The following ADAM12 variants were observed in gnomAD, a reference collection of about 807,000 sequenced individuals.
The protein encoded by ADAM12 is disintegrin and metalloproteinase domain-containing protein 12.
ADAM12 carries 70 observed loss-of-function variants against 106.4 expected under a neutral mutation model. That is an observed-to-expected ratio of 0.66 (90% CI 0.54 to 0.80). The LOEUF is 0.80. Ranked by LOEUF, ADAM12 falls within the 30% of genes least tolerant of loss-of-function variation. The pLI, the probability that ADAM12 is intolerant of heterozygous loss-of-function variation, is 0.00. For missense variants in ADAM12, 1,010 were observed against 1,171.9 expected, an observed-to-expected ratio of 0.86 and a Z score of 2.02; for synonymous variants, 420 against 433.5, an observed-to-expected ratio of 0.97 and a Z score of 0.39.
At chr10:126,260,258 C>T (rs1029846702) in intron 3 of ADAM12, among the ~76,000 whole-genome samples, 4 of 152,230 alleles carry the variant, frequency 2.6e-5, no homozygotes, top group South Asian at 4.1e-4. Context: ...TATCCATACT[C>T]ACAGGCAAAC....
At chr10:126,153,851 A>G (rs1956770050) in intron 4 of ADAM12, among the ~76,000 whole-genome samples, 1 of 152,194 alleles carries the variant, frequency 6.6e-6, no homozygotes, top group African/African-American at 2.4e-5. Flanking sequence ...TTGACTGGGA[A>G]TTCCATTCCT....
chr10:126,343,417 C>G (rs1167020956), intron 1 of ADAM12, among the ~76,000 whole-genome samples: 2 of 152,100 alleles, frequency 1.3e-5, no homozygotes, highest in Admixed American at 1.3e-4. Context: ...TTTTCTTAGT[C>G]CAGTCTATCA....
chr10:126,186,810 C>T (rs1489563041), intron 3 of ADAM12, among the ~76,000 whole-genome samples: 1 of 152,188 alleles, frequency 6.6e-6, no homozygotes, highest in African/African-American at 2.4e-5. Context: ...TTTTAAGTTT[C>T]TTGTGAAATT....
intron 3 of ADAM12, among the ~76,000 whole-genome samples, chr10:126,221,112 G>A (rs757317562): frequency 1.3e-5 from 2 of 152,196 alleles, no homozygotes; most frequent in South Asian, 2.1e-4. Flanking sequence ...GGCTGGGTGC[G>A]GTGGCTCACA....
At chr10:126,103,542 A>C (rs569298445) in intron 8 of ADAM12, among the ~76,000 whole-genome samples, 1 of 152,236 alleles carries the variant, frequency 6.6e-6, no homozygotes, top group Non-Finnish European at 1.5e-5. Context: ...TGGAGAAGTC[A>C]GGTGACTTAA....
intron 11 of ADAM12, among the ~76,000 whole-genome samples, chr10:126,086,680 A>AAAATAT (rs1554966976): frequency 8.2e-5 from 2 of 24,270 alleles, no homozygotes; most frequent in Non-Finnish European, 1.2e-4. Context: ...AAAAAAAAAA[A>AAAATAT]ATATATATAT....
intron 2 of ADAM12, among the ~76,000 whole-genome samples, chr10:126,329,853 A>G (rs773392289): frequency 2.0e-4 from 30 of 152,212 alleles, no homozygotes; most frequent in Non-Finnish European, 3.1e-4. Context: ...AACTGTTCCT[A>G]CAAGCACTGA....
chr10:126,069,419 G>C (rs185851970), intron 12 of ADAM12, among the ~76,000 whole-genome samples: 34 of 152,270 alleles, frequency 2.2e-4, no homozygotes, highest in Admixed American at 2.0e-3. Flanking sequence ...GACCTTAACC[G>C]CAGAAATACA....
intron 5 of ADAM12, among the ~76,000 whole-genome samples, chr10:126,124,819 G>A (rs1328389789): frequency 6.6e-6 from 1 of 151,022 alleles, no homozygotes; most frequent in East Asian, 1.9e-4. Flanking sequence ...TTGAACCTGG[G>A]AGGCGGAGGT....
Position 126,210,014 on chromosome 10 carries a change from T to C in ADAM12, c.261-54709A>G, listed in dbSNP as rs148411594. Among the ~76,000 whole-genome samples the C allele has an allele frequency of 1.8e-3, 272 of 152,330 alleles. 3 individuals carry two copies. The highest frequency in any genetic ancestry group is 5.6e-3 in the African/African-American group (233 of 41,574). ...AGACTCACATAACTACATCTCGGGA[T>C]CCTCCGGGTACTACGTTAACTCTCA... is the stretch of plus-strand genomic sequence containing the variant. On this transcript the variant is annotated intron_variant, in intron 3 of 22. Transcript: ENST00000448723.
At chr10:126,332,717 T>C (rs1358363555) in intron 1 of ADAM12, among the ~76,000 whole-genome samples, 1 of 152,086 alleles carries the variant, frequency 6.6e-6, no homozygotes, top group Non-Finnish European at 1.5e-5. Flanking sequence ...CGCAAGACTT[T>C]CCTTTTCCGT....
chr10:126,095,486 A>G (rs1390633009), intron 10 of ADAM12, among the ~76,000 whole-genome samples: 2 of 136,902 alleles, frequency 1.5e-5, no homozygotes, highest in African/African-American at 5.4e-5. Context: ...GTGAGCCAAG[A>G]TCCCACCACT....
chr10:126,061,315 T>C (rs1179255512), intron 14 of ADAM12, among the ~76,000 whole-genome samples: 1 of 152,212 alleles, frequency 6.6e-6, no homozygotes, highest in African/African-American at 2.4e-5. Context: ...TTATAGGCTA[T>C]GTTGGAGCAT....
intron 1 of ADAM12, among the ~76,000 whole-genome samples, chr10:126,373,685 GA>G (rs1856189432): frequency 6.6e-6 from 1 of 152,186 alleles, no homozygotes; most frequent in Non-Finnish European, 1.5e-5. Flanking sequence ...GTCTAGTTCT[GA>G]AAACACAGTG....
At chr10:126,087,471 G>A (rs1038073531) in intron 11 of ADAM12, among the ~76,000 whole-genome samples, 2 of 152,008 alleles carry the variant, frequency 1.3e-5, no homozygotes, top group Admixed American at 6.6e-5. Flanking sequence ...TCATTCTGTA[G>A]CTGTTCCTCC....
intron 3 of ADAM12, among the ~76,000 whole-genome samples, chr10:126,226,331 C>T (rs951019768): frequency 2.0e-5 from 3 of 152,114 alleles, no homozygotes; most frequent in East Asian, 1.9e-4. Context: ...GAGGAGAAGC[C>T]GGGTGGGCAT....
At chr10:126,349,627 T>C (rs1183167702) in intron 1 of ADAM12, among the ~76,000 whole-genome samples, 1 of 152,200 alleles carries the variant, frequency 6.6e-6, no homozygotes, top group Non-Finnish European at 1.5e-5. Context: ...AACATTTGCA[T>C]AATTCCTTAT....
chr10:126,359,213 G>C (rs1037539038), intron 1 of ADAM12, among the ~76,000 whole-genome samples: 1 of 152,090 alleles, frequency 6.6e-6, no homozygotes, highest in African/African-American at 2.4e-5. Flanking sequence ...ATGAGATTTG[G>C]GTGGGGACAC....
intron 6 of ADAM12, among the ~76,000 whole-genome samples, chr10:126,112,567 A>G (rs2133606178): frequency 6.6e-6 from 1 of 152,206 alleles, no homozygotes; most frequent in African/African-American, 2.4e-5. Context: ...CAAAGTCATC[A>G]CAGCCAAGTT....
Sources: gnomAD v4.1 joint callset for allele counts (sites outside exome capture counted in the v4.1 genomes callset) on GRCh38, gnomAD v4.1.1 for gene constraint, MANE v1.5 for transcripts, NCBI Gene and HGNC (gene_info 2026-07-23, HGNC 2026-07-21) for gene names.